Variants in ZNF385D observed in about 807,000 individuals in gnomAD.
ZNF385D encodes zinc finger protein 385D.
A neutral mutation model predicts 35.8 loss-of-function variants in ZNF385D; 15 were observed. That is an observed-to-expected ratio of 0.42 (90% CI 0.28 to 0.64). The LOEUF (loss-of-function observed/expected upper bound fraction) is 0.64. Among genes scored for constraint, ZNF385D ranks in the 30% least tolerant of loss-of-function variants. The pLI is 0.23. For synonymous variants in ZNF385D, 212 were observed against 186.8 expected (o/e 1.13, Z -1.10); for missense variants, 474 against 494.6 (o/e 0.96, Z 0.39).
chr3:21,562,404 C>A (rs2062983304), intron 3 of ZNF385D, among the ~76,000 whole-genome samples: 1 of 151,888 alleles, frequency 6.6e-6, no homozygotes, highest in Admixed American at 6.6e-5. Context: ...AAAATAGAAC[C>A]ACTGTCTGGA....
In ZNF385D at chr3:21,421,346, A is replaced by G. The variant is rs777606688; in HGVS notation, c.1056T>C (p.Ser352=). 1 of 1,613,706 alleles carries G rather than the reference A, an allele frequency of 6.2e-7. No homozygotes were observed. Among genetic ancestry groups the G allele is most frequent in the Non-Finnish European group, 8.5e-7 (1 of 1,179,802 alleles). Residue 352 remains serine (S), a synonymous_variant, in exon 8 of 8, where the codon AGT becomes AGC. Transcript: ENST00000281523. ...AAAAAAAVAV[S]SPFSLRTAPA... ...GAGCAGTTCGAAGACTGAAGGGGGA[A>G]CTCACTGCCACTGCTGCTGCGGCTG...
At chr3:22,286,823 G>A (rs551969303) in intron 2 of ZNF385D, among the ~76,000 whole-genome samples, 4 of 152,136 alleles carry the variant, frequency 2.6e-5, no homozygotes, top group South Asian at 2.1e-4. Context: ...AATCATCCAC[G>A]TGCACATGAG....
At chr3:21,432,575 T>C (rs925961882) in intron 5 of ZNF385D, among the ~76,000 whole-genome samples, 1 of 151,986 alleles carries the variant, frequency 6.6e-6, no homozygotes, top group Non-Finnish European at 1.5e-5. Context: ...CACTACCTAC[T>C]AGGATATTTG....
At chr3:21,875,005 T>C (rs1488186240) in intron 3 of ZNF385D, among the ~76,000 whole-genome samples, 1 of 152,044 alleles carries the variant, frequency 6.6e-6, no homozygotes, top group Non-Finnish European at 1.5e-5. Context: ...TATTTTGATG[T>C]TATTTAAAAT....
chr3:22,155,021 A>C (rs1215933704), intron 3 of ZNF385D, among the ~76,000 whole-genome samples: 3 of 152,172 alleles, frequency 2.0e-5, no homozygotes, highest in Non-Finnish European at 4.4e-5. Context: ...GTAAGGGAGA[A>C]CAGGCAGATT....
chr3:21,977,548 G>A (rs968812497), intron 3 of ZNF385D, among the ~76,000 whole-genome samples: 25 of 152,136 alleles, frequency 1.6e-4, no homozygotes, highest in African/African-American at 5.6e-4. Flanking sequence ...GCCTGGTGTG[G>A]TGGCTGATGA....
intron 1 of ZNF385D, among the ~76,000 whole-genome samples, chr3:21,749,171 C>A (rs370142827): frequency 6.6e-6 from 1 of 152,152 alleles, no homozygotes; most frequent in Non-Finnish European, 1.5e-5. Context: ...CATTTCAATT[C>A]GTACTATTAA....
At chr3:21,699,744 C>A (rs1192516843) in intron 1 of ZNF385D, among the ~76,000 whole-genome samples, 1 of 147,268 alleles carries the variant, frequency 6.8e-6, no homozygotes, top group Non-Finnish European at 1.5e-5. Flanking sequence ...CCTTGTTTTG[C>A]TTATTTCAAA....
At chr3:21,769,445 A>T (rs1490631731) in intron 3 of ZNF385D, among the ~76,000 whole-genome samples, 2 of 127,218 alleles carry the variant, frequency 1.6e-5, no homozygotes, top group Non-Finnish European at 3.2e-5. Context: ...CCAATAACAG[A>T]CACACAAGAG....
At chr3:22,329,329 C>A (rs1575130736) in intron 2 of ZNF385D, among the ~76,000 whole-genome samples, 1 of 152,004 alleles carries the variant, frequency 6.6e-6, no homozygotes, top group Admixed American at 6.6e-5. Flanking sequence ...TTTTTCCTCA[C>A]CAATTTAAAT....
intron 3 of ZNF385D, among the ~76,000 whole-genome samples, chr3:21,949,550 C>CTTTTT (rs113874566): frequency 1.0e-5 from 1 of 96,972 alleles, no homozygotes; most frequent in Non-Finnish European, 2.0e-5. Flanking sequence ...TCTTTTCTTT[C>CTTTTT]TTTCTTTTTT....
At chr3:21,692,270 G>A (rs2067309069) in intron 1 of ZNF385D, among the ~76,000 whole-genome samples, 1 of 152,068 alleles carries the variant, frequency 6.6e-6, no homozygotes, top group South Asian at 2.1e-4. Flanking sequence ...TACAAGTGGA[G>A]GAGCTGGATT....
intron 4 of ZNF385D, among the ~76,000 whole-genome samples, chr3:21,454,645 C>A (rs181058734): frequency 6.6e-6 from 1 of 152,034 alleles, no homozygotes; most frequent in African/African-American, 2.4e-5. Flanking sequence ...ACTGAATGGG[C>A]AAAACTGGAA....
At chr3:22,085,215 A>T (rs1434311262) in intron 3 of ZNF385D, among the ~76,000 whole-genome samples, 4 of 152,166 alleles carry the variant, frequency 2.6e-5, no homozygotes, top group African/African-American at 9.6e-5. Flanking sequence ...GAAGACAATA[A>T]ATAGAATTAA....
intron 3 of ZNF385D, among the ~76,000 whole-genome samples, chr3:21,772,325 G>A (rs527257620): frequency 1.3e-5 from 2 of 151,936 alleles, no homozygotes; most frequent in South Asian, 4.1e-4. Flanking sequence ...TGCAAATCAA[G>A]TATCTGATAA....
intron 2 of ZNF385D, among the ~76,000 whole-genome samples, chr3:22,368,703 C>CCATT (rs1484658616): frequency 1.3e-5 from 2 of 152,072 alleles, no homozygotes; most frequent in Non-Finnish European, 2.9e-5. Context: ...AGCACTAATC[C>CCATT]CATTACAGGG....
intron 1 of ZNF385D, among the ~76,000 whole-genome samples, chr3:21,741,134 G>A (rs762712902): frequency 5.3e-5 from 8 of 152,052 alleles, no homozygotes; most frequent in Non-Finnish European, 1.2e-4. Context: ...TCGGCATCAG[G>A]GCTGTTCACA....
chr3:22,194,867 A>T (rs951767740), intron 2 of ZNF385D, among the ~76,000 whole-genome samples: 6 of 151,904 alleles, frequency 3.9e-5, no homozygotes, highest in African/African-American at 1.4e-4. Flanking sequence ...TAGTATGAAG[A>T]TACCACAATT....
chr3:21,919,943 C>CTA (rs1700371743), intron 3 of ZNF385D, among the ~76,000 whole-genome samples: 1 of 152,176 alleles, frequency 6.6e-6, no homozygotes, highest in African/African-American at 2.4e-5. Context: ...TAAGCTCCCT[C>CTA]TATAAGCATT....
Sources: gnomAD v4.1 joint callset for allele counts (sites outside exome capture counted in the v4.1 genomes callset) on GRCh38, gnomAD v4.1.1 for gene constraint, MANE v1.5 for transcripts, NCBI Gene and HGNC (gene_info 2026-07-23, HGNC 2026-07-21) for gene names.